Variants in EPHA6 observed in about 807,000 individuals in gnomAD.
EPHA6 encodes the protein EPH receptor A6, also known as ephrin type-A receptor 6.
A neutral mutation model predicts 112.0 loss-of-function variants in EPHA6; 50 were observed. That is an observed-to-expected ratio of 0.45 (90% confidence interval 0.36 to 0.56). The LOEUF (loss-of-function observed/expected upper bound fraction) is 0.56, where lower values mean the gene tolerates loss of function less well. Among genes scored for constraint, EPHA6 ranks in the 20% least tolerant of loss-of-function variants. The pLI is 0.00. For missense variants in EPHA6, 1,280 were observed against 1,417.4 expected, an observed-to-expected ratio of 0.90 and a Z score of 1.56; for synonymous variants, 529 against 490.7, an observed-to-expected ratio of 1.08 and a Z score of -1.03.
In EPHA6 at chr3:97,373,393, G is replaced by GCTGGTGGTATTCCTCTTTT. The variant is rs201683350; in HGVS notation, c.1607-31755_1607-31737dup. 5.5e-3 allele frequency among the ~76,000 whole-genome samples: 832 copies of GCTGGTGGTATTCCTCTTTT among 152,242 alleles called. 11 individuals carry two copies. Among genetic ancestry groups the GCTGGTGGTATTCCTCTTTT allele is most frequent in the African/African-American group, 0.019 (800 of 41,560 alleles). ...CAATCACAATAGTCTGTAAGAATAA[G>GCTGGTGGTATTCCTCTTTT]CTGGTGGTATTCCTCTTTTCCACTG... On this transcript the variant is annotated intron_variant, in intron 5 of 17. Coordinates refer to ENST00000389672, the MANE Select transcript of EPHA6 (RefSeq NM_001080448.3).
intron 2 of EPHA6, among the ~76,000 whole-genome samples, chr3:96,965,485 A>G (rs1261236671): frequency 1.3e-5 from 2 of 152,088 alleles, no homozygotes; most frequent in Non-Finnish European, 2.9e-5. Flanking sequence ...AAATGTCCTT[A>G]TAACATCTGA....
intron 3 of EPHA6, among the ~76,000 whole-genome samples, chr3:96,992,496 C>G (rs766547494): frequency 8.0e-4 from 121 of 152,184 alleles, no homozygotes; most frequent in Non-Finnish European, 1.7e-3. Flanking sequence ...AGCTGCATGT[C>G]TAAGATGGCT....
At chr3:97,351,941 C>T (rs1577063292) in intron 5 of EPHA6, among the ~76,000 whole-genome samples, 3 of 151,954 alleles carry the variant, frequency 2.0e-5, no homozygotes, top group Non-Finnish European at 2.9e-5. Flanking sequence ...TATTAATAAA[C>T]ATACCCCCCA....
chr3:97,277,207 A>T (rs145173927), intron 5 of EPHA6, among the ~76,000 whole-genome samples: 4,734 of 152,188 alleles, frequency 0.031, 240 homozygotes, highest in African/African-American at 0.11. Flanking sequence ...CTGGGTGCAG[A>T]TGGGCTGAGT....
At chr3:97,504,015 G>A (rs1489125693) in intron 10 of EPHA6, among the ~76,000 whole-genome samples, 1 of 152,160 alleles carries the variant, frequency 6.6e-6, no homozygotes, top group Non-Finnish European at 1.5e-5. Context: ...AGGATTTTAA[G>A]TATTTTATAC....
chr3:97,286,310 C>T (rs2080462958), intron 5 of EPHA6, among the ~76,000 whole-genome samples: 2 of 152,226 alleles, frequency 1.3e-5, no homozygotes, highest in South Asian at 4.1e-4. Flanking sequence ...AAATCTTTGG[C>T]TAGACCAATG....
chr3:97,362,751 A>T (rs1383336660), intron 5 of EPHA6, among the ~76,000 whole-genome samples: 1 of 151,992 alleles, frequency 6.6e-6, no homozygotes, highest in African/African-American at 2.4e-5. Flanking sequence ...AGTCTATTGA[A>T]GTATGCAAAC....
intron 2 of EPHA6, among the ~76,000 whole-genome samples, chr3:96,878,942 A>G (rs982078993): frequency 6.6e-6 from 1 of 152,218 alleles, no homozygotes; most frequent in Middle Eastern, 3.4e-3. Context: ...AATAAATATC[A>G]CTTAAGTGAA....
intron 16 of EPHA6, among the ~76,000 whole-genome samples, chr3:97,742,805 T>C (rs1002515733): frequency 2.0e-5 from 3 of 152,192 alleles, no homozygotes; most frequent in Non-Finnish European, 4.4e-5. Flanking sequence ...TTAGGCTTAA[T>C]TGCAGACAGG....
chr3:96,996,146 C>T (rs1038429646), intron 3 of EPHA6, among the ~76,000 whole-genome samples: 1 of 152,148 alleles, frequency 6.6e-6, no homozygotes, highest in Non-Finnish European at 1.5e-5. Context: ...AAACCACTTT[C>T]TTTGCTCATC....
intron 3 of EPHA6, among the ~76,000 whole-genome samples, chr3:97,186,172 C>T (rs2077129587): frequency 6.6e-6 from 1 of 151,674 alleles, no homozygotes; most frequent in Non-Finnish European, 1.5e-5. Context: ...TATAACTAAC[C>T]TGCACGTTGT....
chr3:96,915,816 A>G (rs966202117), intron 2 of EPHA6, among the ~76,000 whole-genome samples: 5 of 152,016 alleles, frequency 3.3e-5, no homozygotes, highest in Non-Finnish European at 7.4e-5. Flanking sequence ...AATTCATTCT[A>G]TTTAGTTTGA....
chr3:97,217,614 A>T (rs1210670374), intron 3 of EPHA6, among the ~76,000 whole-genome samples: 2 of 152,204 alleles, frequency 1.3e-5, no homozygotes, highest in Non-Finnish European at 2.9e-5. Context: ...GGATTGACAG[A>T]TATATTCGCT....
chr3:97,646,042 T>C, intron 14 of EPHA6: 1 of 1,117,056 alleles, frequency 9.0e-7, no homozygotes, highest in Non-Finnish European at 1.2e-6. Context: ...AACAGTATGC[T>C]ACATGGAAGC....
intron 11 of EPHA6, among the ~76,000 whole-genome samples, chr3:97,546,348 T>C (rs2092948103): frequency 6.6e-6 from 1 of 152,334 alleles, no homozygotes; most frequent in South Asian, 2.1e-4. Context: ...GGATATGAAA[T>C]TCTGGGTTGA....
At chr3:97,024,040 G>A (rs1481884409) in intron 3 of EPHA6, among the ~76,000 whole-genome samples, 1 of 152,024 alleles carries the variant, frequency 6.6e-6, no homozygotes, top group Non-Finnish European at 1.5e-5. Flanking sequence ...AGATGATCTA[G>A]TGGTCAGTTC....
At chr3:97,156,617 A>G (rs2076295421) in intron 3 of EPHA6, among the ~76,000 whole-genome samples, 1 of 152,202 alleles carries the variant, frequency 6.6e-6, no homozygotes, top group Non-Finnish European at 1.5e-5. Context: ...GACACAGGCA[A>G]ATTTGCTTCC....
chr3:97,366,354 T>TATACACATAGCATATACATA lies in EPHA6; in HGVS notation c.1607-38796_1607-38795insATACACATAGCATATACATA, dbSNP rs544060795. On this transcript the variant is annotated intron_variant, in intron 5 of 17. Transcript: ENST00000389672. Reference sequence around the variant, plus strand: ...AGCATCTACTGTATATCAGGCAGCATTTGTGGTACTGACCACAATGCCCTA... The same window carrying TATACACATAGCATATACATA: ...AGCATCTACTGTATATCAGGCAGCATATACACATAGCATATACATATTGTGGTACTGACCACAATGCCCTA... Among the ~76,000 whole-genome samples, 361 of 152,312 alleles carry TATACACATAGCATATACATA rather than the reference T, an allele frequency of 2.4e-3. 2 individuals carry two copies. Among genetic ancestry groups the TATACACATAGCATATACATA allele is most frequent in the African/African-American group, 7.7e-3 (320 of 41,576 alleles).
intron 14 of EPHA6, among the ~76,000 whole-genome samples, chr3:97,652,704 A>G (rs550722918): frequency 1.9e-3 from 291 of 152,100 alleles, no homozygotes; most frequent in African/African-American, 6.5e-3. Flanking sequence ...CAGCAAGCCT[A>G]AGGAGTTAAA....
Sources: gnomAD v4.1 joint callset for allele counts (sites outside exome capture counted in the v4.1 genomes callset) on GRCh38, gnomAD v4.1.1 for gene constraint, MANE v1.5 for transcripts, NCBI Gene and HGNC (gene_info 2026-07-23, HGNC 2026-07-21) for gene names.